Variants in RALGPS2 observed in about 807,000 individuals in gnomAD.
RALGPS2 encodes Ral GEF with PH domain and SH3 binding motif 2, also known as ras-specific guanine nucleotide-releasing factor RalGPS2.
RALGPS2 carries 43 observed loss-of-function variants against 86.8 expected under a neutral mutation model. The observed-to-expected ratio is 0.50, with a 90% CI of 0.39 to 0.64. RALGPS2 has a LOEUF of 0.64. RALGPS2 is among the 30% of genes least tolerant of loss of function. The pLI, the probability that RALGPS2 is intolerant of heterozygous loss-of-function variation, is 0.00. For synonymous variants in RALGPS2, 243 were observed against 231.3 expected (o/e 1.05, Z -0.46); for missense variants, 536 against 694.6 (o/e 0.77, Z 2.57).
intron 1 of RALGPS2, chr1:178,746,824 CA>C (rs1312005615): frequency 7.0e-6 from 8 of 1,147,870 alleles, no homozygotes; most frequent in Non-Finnish European, 1.1e-5. Context: ...TGTTCTCCTC[CA>C]TTGTATCTTG....
At chr1:178,906,656 G>C (rs1423582395) in intron 18 of RALGPS2, 120 bp from the exon 19 acceptor site, 2 of 707,598 alleles carry the variant, frequency 2.8e-6, no homozygotes, top group Non-Finnish European at 4.7e-6. Context: ...TGGAGGTGTT[G>C]AATAGAATTC....
At chr1:178,905,867 T>C (rs1405100388) in intron 18 of RALGPS2, among the ~76,000 whole-genome samples, 1 of 152,180 alleles carries the variant, frequency 6.6e-6, no homozygotes, top group Non-Finnish European at 1.5e-5. Flanking sequence ...ATCTAATTTC[T>C]TAAAAGAGAG....
intron 18 of RALGPS2, among the ~76,000 whole-genome samples, chr1:178,904,342 G>A (rs755177180): frequency 1.3e-5 from 2 of 152,108 alleles, no homozygotes; most frequent in Non-Finnish European, 2.9e-5. Context: ...CTGTGCAAAC[G>A]CTCTTTAGTT....
intron 8 of RALGPS2, among the ~76,000 whole-genome samples, chr1:178,874,559 A>G (rs1287421719): frequency 1.3e-5 from 2 of 152,218 alleles, no homozygotes; most frequent in African/African-American, 4.8e-5. Flanking sequence ...TGATCCCATC[A>G]GCAAGGAATG....
chr1:178,762,477 G>A (rs181399884), intron 1 of RALGPS2, among the ~76,000 whole-genome samples: 4 of 152,266 alleles, frequency 2.6e-5, no homozygotes, highest in South Asian at 2.1e-4. Flanking sequence ...CACCAGCAGC[G>A]CATAAACATT....
At chr1:178,799,052 TG>T (rs1463091059) in intron 4 of RALGPS2, among the ~76,000 whole-genome samples, 62 of 152,236 alleles carry the variant, frequency 4.1e-4, no homozygotes, top group African/African-American at 1.5e-3. Flanking sequence ...TTGTTGTTGT[TG>T]TTTTGAGACG....
At chr1:178,749,508 TGAG>T (rs1479305370) in intron 1 of RALGPS2, among the ~76,000 whole-genome samples, 1 of 152,100 alleles carries the variant, frequency 6.6e-6, no homozygotes, top group Non-Finnish European at 1.5e-5. Context: ...AAGACAACCT[TGAG>T]GAGAGAGAAG....
At chr1:178,893,760 A>G (rs1659818547) in intron 15 of RALGPS2, 159 bp from the exon 16 acceptor site, 2 of 522,398 alleles carry the variant, frequency 3.8e-6, no homozygotes, top group Admixed American at 3.6e-5. Flanking sequence ...CAGCTTATAA[A>G]TTTCAAGATT....
chr1:178,765,528 G>A (rs183015212), intron 1 of RALGPS2, among the ~76,000 whole-genome samples: 12 of 152,228 alleles, frequency 7.9e-5, no homozygotes, highest in South Asian at 2.1e-4. Context: ...TCACAGGAAC[G>A]GAGCGAAATT....
chr1:178,730,105 C>T (rs542016821), intron 1 of RALGPS2, among the ~76,000 whole-genome samples: 1 of 152,110 alleles, frequency 6.6e-6, no homozygotes, highest in South Asian at 2.1e-4. Context: ...CCATGCCTGA[C>T]TAATTTTTGT....
intron 6 of RALGPS2, among the ~76,000 whole-genome samples, chr1:178,812,596 A>G (rs893110350): frequency 6.6e-6 from 1 of 152,198 alleles, no homozygotes; most frequent in African/African-American, 2.4e-5. Context: ...TATGTCAAAG[A>G]AGTATATTTT....
chr1:178,737,481 C>T (rs1375815054), intron 1 of RALGPS2, among the ~76,000 whole-genome samples: 5 of 152,176 alleles, frequency 3.3e-5, no homozygotes, highest in East Asian at 1.9e-4. Context: ...CTCCTGACCT[C>T]GTGATCCACC....
intron 1 of RALGPS2, among the ~76,000 whole-genome samples, chr1:178,764,442 T>A (rs1262149310): frequency 6.6e-6 from 1 of 152,196 alleles, no homozygotes; most frequent in Admixed American, 6.5e-5. Context: ...GCCTTTTAAT[T>A]GGAGCATTTA....
intron 8 of RALGPS2, among the ~76,000 whole-genome samples, chr1:178,872,335 A>G (rs931242274): frequency 8.5e-5 from 13 of 152,222 alleles, no homozygotes; most frequent in Non-Finnish European, 1.9e-4. Context: ...AAGGGCCTAG[A>G]AAGGCAAATG....
chr1:178,837,274 G>A (rs1656327240), intron 8 of RALGPS2, among the ~76,000 whole-genome samples: 1 of 152,056 alleles, frequency 6.6e-6, no homozygotes. Context: ...CTAAAATACT[G>A]ATTCATTAAG....
At chr1:178,853,887 G>A (rs1346987648) in intron 8 of RALGPS2, 1 of 873,928 alleles carries the variant, frequency 1.1e-6, no homozygotes. Context: ...TTTGTTTACA[G>A]TTACCATTGT....
intron 1 of RALGPS2, among the ~76,000 whole-genome samples, chr1:178,748,590 C>T (rs866878938): frequency 1.2e-4 from 18 of 150,492 alleles, no homozygotes; most frequent in Middle Eastern, 3.6e-3. Flanking sequence ...CGGTGGCTCA[C>T]GCCTGTAATC....
chr1:178,895,679 ATAAAT>A (rs967024292), intron 16 of RALGPS2, among the ~76,000 whole-genome samples: 21 of 152,168 alleles, frequency 1.4e-4, no homozygotes, highest in Admixed American at 9.8e-4. Flanking sequence ...TTGTTTGATG[ATAAAT>A]TAAACATGAT....
chr1:178,725,575 G>C (rs1264404513), intron 1 of RALGPS2, 156 bp downstream of exon 1: 1 of 151,892 alleles, frequency 6.6e-6, no homozygotes, highest in East Asian at 2.0e-4. Flanking sequence ...TGCGCGCAGG[G>C]AGGGGGCTGC....
Sources: allele counts gnomAD v4.1 joint callset (sites outside exome capture counted in the v4.1 genomes callset), GRCh38; gene constraint gnomAD v4.1.1; transcripts MANE v1.5; gene names NCBI Gene and HGNC (gene_info 2026-07-23, HGNC 2026-07-21).